The following PCDH19 variants were observed in gnomAD, a reference collection of about 807,000 sequenced individuals.
PCDH19 encodes protocadherin-19.
PCDH19 carries 6 observed loss-of-function variants against 46.2 expected under a neutral mutation model. That is an observed-to-expected ratio of 0.13 (90% confidence interval 0.07 to 0.26). The LOEUF (loss-of-function observed/expected upper bound fraction) is 0.26, where lower values mean the gene tolerates loss of function less well. Among genes scored for constraint, PCDH19 ranks in the 10% least tolerant of loss-of-function variants. The pLI is 1.00. For missense variants in PCDH19, 740 were observed against 972.3 expected (o/e 0.76, Z 3.18); for synonymous variants, 481 against 415.7 (o/e 1.16, Z -1.91).
chrX:100,404,338 G>C (rs1928282244), intron 1 of PCDH19, among the ~76,000 whole-genome samples: 1 of 111,582 alleles, frequency 9.0e-6, no homozygotes, highest in African/African-American at 3.3e-5. Flanking sequence ...TTTGGGAGCA[G>C]ATAAAATCCC....
In PCDH19 at chrX:100,407,680, G is replaced by T; in HGVS notation, c.918C>A (p.Tyr306Ter). ...CCAGTTCGTACACGTGCCCCTCTTC[G>T]TAGTCTAAAGCGCCAGTGACAGTGA... is the stretch of plus-strand genomic sequence containing the variant. The part of the protein sequence containing the change: ...GLVTVTGALD[Y>*]EEGHVYELDV... The change falls in exon 1 of 6, where the codon TAC becomes TAA. Residue 306 changes from tyrosine to a stop codon, truncating the protein, a stop_gained. Transcript: ENST00000373034. LOFTEE classifies it high-confidence loss of function. 1 of 1,212,251 alleles carries T rather than the reference G, an allele frequency of 8.2e-7. No homozygotes were observed. The highest frequency in any genetic ancestry group is 1.1e-6 in the Non-Finnish European group (1 of 895,587).
chrX:100,337,321 G>A (rs756874150), intron 5 of PCDH19, among the ~76,000 whole-genome samples: 4 of 111,706 alleles, frequency 3.6e-5, no homozygotes, highest in Admixed American at 1.9e-4. Flanking sequence ...GGTAAAACCC[G>A]CCAATGACAA....
chrX:100,307,239 T>C (rs1924977181), intron 5 of PCDH19, among the ~76,000 whole-genome samples: 1 of 111,793 alleles, frequency 8.9e-6, no homozygotes, highest in Non-Finnish European at 1.9e-5. Flanking sequence ...GCAGGGATGG[T>C]TTAACATATG....
chrX:100,380,505 C>A (rs1253671548), intron 3 of PCDH19, among the ~76,000 whole-genome samples: 2 of 111,547 alleles, frequency 1.8e-5, no homozygotes, highest in Admixed American at 9.6e-5. Flanking sequence ...TAGAACAACA[C>A]AAAGAATGGC....
chrX:100,349,011 G>A (rs1049951888), intron 4 of PCDH19, among the ~76,000 whole-genome samples: 23 of 110,319 alleles, frequency 2.1e-4, no homozygotes, highest in Non-Finnish European at 4.4e-4. Context: ...CTGGCCTCAA[G>A]CAGTTCTCCA....
chrX:100,408,550 C>A lies in PCDH19; in HGVS notation c.48G>T (p.Trp16Cys), dbSNP rs780814145. Residue 16 changes from tryptophan to cysteine, a missense_variant, in exon 1 of 6, where the codon TGG (tryptophan) becomes TGT (cysteine). Around this residue, in one of 5 missense-constraint regions of PCDH19, gnomAD observed 81 missense variants for 96.5 expected, o/e 0.84. Transcript: ENST00000373034. ...GATTAATGAGGGCGGCAGCCTGCGT[C>A]CACAGTATGGCCAGCAGCAGCAGCA... ...LPVLLLLAIL[W>C]TQAAALINLK... The A allele has an allele frequency of 2.5e-6, 3 of 1,194,019 alleles. No individual in the cohort carries two copies. Among genetic ancestry groups the A allele is most frequent in the Middle Eastern group, 2.3e-4 (1 of 4,303 alleles).
At chrX:100,322,833 G>GTATATATATATATATA (rs60720039) in intron 5 of PCDH19, among the ~76,000 whole-genome samples, 52 of 48,769 alleles carry the variant, frequency 1.1e-3, no homozygotes, top group South Asian at 7.2e-3. Flanking sequence ...ATATTCCTAA[G>GTATATATATATATATA]TATATATATA....
At chrX:100,388,233 C>T (rs1927768997) in intron 3 of PCDH19, among the ~76,000 whole-genome samples, 3 of 108,728 alleles carry the variant, frequency 2.8e-5, no homozygotes, top group Non-Finnish European at 3.8e-5. Flanking sequence ...CACACATACA[C>T]GCACATATAT....
intron 3 of PCDH19, among the ~76,000 whole-genome samples, chrX:100,365,926 G>A (rs1300941684): frequency 8.9e-6 from 1 of 111,880 alleles, no homozygotes. Flanking sequence ...TCAAAGTCTT[G>A]TCAACTAAAT....
At chrX:100,361,208 A>C (rs1024337038) in intron 3 of PCDH19, among the ~76,000 whole-genome samples, 4 of 112,266 alleles carry the variant, frequency 3.6e-5, no homozygotes, top group African/African-American at 1.3e-4. Context: ...ATTTCTATGA[A>C]ATCTTTTATC....
chrX:100,296,745 C>G lies in PCDH19; in HGVS notation c.2979G>C (p.Leu993=). The change falls in exon 6 of 6, where the codon CTG becomes CTC. Residue 993 remains leucine (L), a synonymous_variant. Coordinates refer to ENST00000373034, the MANE Select transcript of PCDH19 (RefSeq NM_001184880.2). The part of the protein sequence containing the change: ...SPEHVRNIIA[L]SIEATAADVE... ...CATCAGCAGCAGTAGCTTCAATAGA[C>G]AGCGCGATGATGTTCCTCACATGCT... 8.3e-7 allele frequency: 1 copy of G among 1,211,442 alleles called. No homozygotes were observed. The highest frequency in any genetic ancestry group is 1.1e-6 in the Non-Finnish European group (1 of 895,364).
chrX:100,316,018 A>G (rs754582851), intron 5 of PCDH19, among the ~76,000 whole-genome samples: 11 of 111,910 alleles, frequency 9.8e-5, no homozygotes, highest in African/African-American at 3.2e-4. Flanking sequence ...GGCTACCACA[A>G]CTAGTAAACA....
At chrX:100,396,996 C>T (rs1488261698) in intron 3 of PCDH19, among the ~76,000 whole-genome samples, 1 of 111,938 alleles carries the variant, frequency 8.9e-6, no homozygotes, top group Admixed American at 9.5e-5. Flanking sequence ...ACAAACAAGA[C>T]GCGCACTAAA....
At position 100,314,400 on chromosome X, in the gene PCDH19, C is replaced by T. The variant is rs1925234258; in HGVS notation, c.2849-17525G>A. Among the ~76,000 whole-genome samples, 3 of 111,804 alleles carry T rather than the reference C, an allele frequency of 2.7e-5. No individual in the cohort carries two copies. In the Admixed American group the frequency reaches 2.8e-4, roughly 11 times the overall value. On this transcript the variant is annotated intron_variant, in intron 5 of 5. Coordinates refer to ENST00000373034, the MANE Select transcript of PCDH19 (RefSeq NM_001184880.2). ...CCCACTCAACTAGACACAGACTGTCCGGATGATATTTTTAGCACAAACCAA... is the reference window on the plus strand; with the variant it reads ...CCCACTCAACTAGACACAGACTGTCTGGATGATATTTTTAGCACAAACCAA...
chrX:100,379,922 C>T (rs929172010), intron 3 of PCDH19, among the ~76,000 whole-genome samples: 3 of 111,863 alleles, frequency 2.7e-5, no homozygotes, highest in Non-Finnish European at 3.8e-5. Flanking sequence ...GTGGCATGGA[C>T]TCAAAAGGGC....
intron 5 of PCDH19, among the ~76,000 whole-genome samples, chrX:100,322,870 TG>T (rs1925563777): frequency 4.3e-5 from 4 of 93,306 alleles, no homozygotes; most frequent in Non-Finnish European, 8.2e-5. Flanking sequence ...TATATATTTT[TG>T]CAGCTATTGT....
chrX:100,338,203 G>A (rs1569296169), intron 5 of PCDH19, among the ~76,000 whole-genome samples: 1 of 108,761 alleles, frequency 9.2e-6, no homozygotes, highest in Non-Finnish European at 1.9e-5. Flanking sequence ...TTAGCGGGGC[G>A]TAGTGGCGGG....
Position 100,410,233 on chromosome X carries a change from C to CGCT in PCDH19, c.-1639_-1637dup. The CGCT allele has an allele frequency of 6.7e-6, 2 of 298,837 alleles. No homozygotes were observed. The highest frequency in any genetic ancestry group is 1.2e-5 in the Non-Finnish European group (2 of 171,270). 24.6% of individuals were successfully genotyped at this position (298,837 alleles called of 1,213,427 possible). A position where few individuals can be genotyped will look rare whatever the true frequency, so the allele number is the denominator to read the frequency against. On this transcript the variant is annotated 5_prime_UTR_variant, in exon 1 of 6. Coordinates refer to ENST00000373034, the MANE Select transcript of PCDH19 (RefSeq NM_001184880.2). ...GTCTCCGCGCTGCGCCAGCCGCCGC[C>CGCT]GCTACTGCTGCTGCTGCTCCTCCGG... is the stretch of plus-strand genomic sequence containing the variant.
chrX:100,332,794 TGCTTGA>T (rs1445267664), intron 5 of PCDH19, among the ~76,000 whole-genome samples: 1 of 109,712 alleles, frequency 9.1e-6, no homozygotes, highest in Non-Finnish European at 1.9e-5. Context: ...GGAGGACTGC[TGCTTGA>T]GCCTAGGGGC....
Sources: allele counts gnomAD v4.1 joint callset (sites outside exome capture counted in the v4.1 genomes callset), GRCh38; gene constraint gnomAD v4.1.1; regional missense constraint gnomAD v4.1.1; transcripts MANE v1.5; gene names NCBI Gene and HGNC (gene_info 2026-07-23, HGNC 2026-07-21).